Variants in DNER observed in about 807,000 individuals in gnomAD.
DNER encodes the protein delta/notch like EGF repeat containing, also known as delta and Notch-like epidermal growth factor-related receptor.
A neutral mutation model predicts 78.2 loss-of-function variants in DNER; 33 were observed. The observed-to-expected ratio is 0.42, with a 90% CI of 0.32 to 0.56. The LOEUF (loss-of-function observed/expected upper bound fraction) is 0.56. DNER is among the 20% of genes least tolerant of loss of function. The pLI is 0.11. For synonymous variants in DNER, 417 were observed against 384.8 expected (o/e 1.08, Z -0.98); for missense variants, 918 against 975.3 (o/e 0.94, Z 0.78).
chr2:229,528,913 G>C (rs1696254183), intron 5 of DNER, among the ~76,000 whole-genome samples: 1 of 152,184 alleles, frequency 6.6e-6, no homozygotes, highest in African/African-American at 2.4e-5. Context: ...ATGTCCCGGG[G>C]CTGTGGCAGG....
At chr2:229,695,110 G>A (rs1699641833) in intron 1 of DNER, among the ~76,000 whole-genome samples, 1 of 152,134 alleles carries the variant, frequency 6.6e-6, no homozygotes, top group Non-Finnish European at 1.5e-5. Flanking sequence ...GCCACCATGT[G>A]AATGAGGACA....
At chr2:229,661,279 C>T (rs1337802700) in intron 1 of DNER, among the ~76,000 whole-genome samples, 1 of 152,078 alleles carries the variant, frequency 6.6e-6, no homozygotes, top group Non-Finnish European at 1.5e-5. Context: ...AAAACTGCTT[C>T]CCCAAATCTC....
intron 12 of DNER, among the ~76,000 whole-genome samples, chr2:229,365,384 G>A (rs972864956): frequency 2.6e-5 from 4 of 152,170 alleles, no homozygotes; most frequent in African/African-American, 4.8e-5. Flanking sequence ...GAGATGAAAA[G>A]GACAGAAAAG....
chr2:229,407,019 G>C (rs1013009037), intron 10 of DNER, among the ~76,000 whole-genome samples: 2 of 152,098 alleles, frequency 1.3e-5, no homozygotes, highest in African/African-American at 4.8e-5. Context: ...AAGTCTAGAC[G>C]CCAAACAACC....
chr2:229,577,995 A>G (rs1047743678), intron 4 of DNER, among the ~76,000 whole-genome samples: 2 of 152,230 alleles, frequency 1.3e-5, no homozygotes, highest in Non-Finnish European at 2.9e-5. Context: ...ATAAGATTAA[A>G]GAGTGAAATT....
intron 4 of DNER, among the ~76,000 whole-genome samples, chr2:229,570,959 G>A (rs2154214010): frequency 6.6e-6 from 1 of 152,296 alleles, no homozygotes. Flanking sequence ...CTTCTGCTCT[G>A]AGGGAAATGA....
intron 1 of DNER, among the ~76,000 whole-genome samples, chr2:229,711,178 G>A (rs952056352): frequency 6.6e-6 from 1 of 152,084 alleles, no homozygotes; most frequent in Non-Finnish European, 1.5e-5. Context: ...CAGGGCAGGA[G>A]TTTGCATGGT....
chr2:229,471,141 GA>G lies in DNER; in HGVS notation c.1261+5998del, dbSNP rs373669800. Among the ~76,000 whole-genome samples, 47 of 146,366 alleles carry G rather than the reference GA, an allele frequency of 3.2e-4. 1 individual carries two copies. The highest frequency in any genetic ancestry group is 8.7e-4 in the South Asian group (4 of 4,572). ...CAAGATCATACATGTTAGGGTGCTGGAAAAAAAAAACAACTAAATCCCAAAA... is the reference window on the plus strand; with the variant it reads ...CAAGATCATACATGTTAGGGTGCTGGAAAAAAAAACAACTAAATCCCAAAA... On this transcript the variant is annotated intron_variant, in intron 7 of 12. Coordinates refer to ENST00000341772, the MANE Select transcript of DNER (RefSeq NM_139072.4).
intron 5 of DNER, among the ~76,000 whole-genome samples, chr2:229,525,786 G>A (rs886259382): frequency 2.0e-5 from 3 of 152,056 alleles, no homozygotes; most frequent in African/African-American, 7.2e-5. Flanking sequence ...CTAATTTTTT[G>A]TATTTTTAGT....
chr2:229,602,010 T>C (rs538589036), intron 1 of DNER, among the ~76,000 whole-genome samples: 1 of 151,800 alleles, frequency 6.6e-6, no homozygotes, highest in African/African-American at 2.4e-5. Context: ...TTTTTTTTTT[T>C]CACTTTTAAT....
chr2:229,479,720 A>C (rs958964931), intron 6 of DNER, among the ~76,000 whole-genome samples: 27 of 134,324 alleles, frequency 2.0e-4, no homozygotes, highest in East Asian at 6.4e-4. Flanking sequence ...CTCAAAAAAA[A>C]AAAAAAAAAA....
At chr2:229,505,220 T>TGTGTG (rs1478541943) in intron 6 of DNER, among the ~76,000 whole-genome samples, 2 of 32,322 alleles carry the variant, frequency 6.2e-5, no homozygotes, top group East Asian at 9.3e-4. Context: ...GTGTGTGTGT[T>TGTGTG]GGCTACAATA....
chr2:229,394,801 C>A (rs207673), intron 10 of DNER, among the ~76,000 whole-genome samples: 106,720 of 152,094 alleles, frequency 0.7, 37,813 homozygotes, highest in East Asian at 0.91. Context: ...TAAAATTAGA[C>A]AAGATTTTCT....
intron 11 of DNER, among the ~76,000 whole-genome samples, chr2:229,369,335 TAAAAAA>T (rs1314553268): frequency 6.8e-6 from 1 of 147,818 alleles, no homozygotes; most frequent in East Asian, 2.0e-4. Flanking sequence ...TCTAAAAAGT[TAAAAAA>T]AAGTTTTAAC....
rs878926000 is a variant in DNER, at chr2:229,357,740, A to G, written c.*800T>C. 1 of 152,234 alleles carries G rather than the reference A, an allele frequency of 6.6e-6. No homozygotes were observed. The highest frequency in any genetic ancestry group is 2.1e-4 in the South Asian group (1 of 4,830). The allele number at this position is 152,234 out of a possible 1,614,324, so 9.4% of individuals were successfully genotyped here. On this transcript the variant is annotated 3_prime_UTR_variant, in exon 13 of 13. Coordinates refer to ENST00000341772, the MANE Select transcript of DNER (RefSeq NM_139072.4). ...ACATCCTGGAGATAAATAAAGCTGCACTATGAGAAATACTCACTACTGAAG... is the reference window on the plus strand; with the variant it reads ...ACATCCTGGAGATAAATAAAGCTGCGCTATGAGAAATACTCACTACTGAAG...
intron 6 of DNER, among the ~76,000 whole-genome samples, chr2:229,505,896 G>T (rs1444696128): frequency 6.6e-6 from 1 of 152,156 alleles, no homozygotes. Context: ...TTCAGAAAAT[G>T]GTAGAACTAT....
intron 4 of DNER, among the ~76,000 whole-genome samples, chr2:229,561,038 A>G (rs1281409139): frequency 1.3e-5 from 2 of 152,146 alleles, no homozygotes; most frequent in East Asian, 3.9e-4. Flanking sequence ...AAAATTTCCA[A>G]CTAAAGGTTA....
chr2:229,401,294 T>C (rs142259893), intron 10 of DNER, among the ~76,000 whole-genome samples: 1 of 152,190 alleles, frequency 6.6e-6, no homozygotes, highest in African/African-American at 2.4e-5. Flanking sequence ...AGCATGCAAC[T>C]ACCATATGAC....
chr2:229,428,095 GAAAAA>G (rs1247063351), intron 8 of DNER, among the ~76,000 whole-genome samples: 1 of 148,272 alleles, frequency 6.7e-6, no homozygotes, highest in Non-Finnish European at 1.5e-5. Context: ...AAAAAAAAGA[GAAAAA>G]AAGAAAAGAA....
Sources: allele counts gnomAD v4.1 joint callset (sites outside exome capture counted in the v4.1 genomes callset), GRCh38; gene constraint gnomAD v4.1.1; transcripts MANE v1.5; gene names NCBI Gene and HGNC (gene_info 2026-07-23, HGNC 2026-07-21).